Variants in ARFGEF3 observed in about 807,000 individuals in gnomAD.
ARFGEF3 encodes the protein brefeldin A-inhibited guanine nucleotide-exchange protein 3.
A neutral mutation model predicts 221.7 loss-of-function variants in ARFGEF3; 96 were observed. The ratio of observed to expected loss-of-function variants is 0.43; its 90% confidence interval spans 0.37 to 0.51. The LOEUF (loss-of-function observed/expected upper bound fraction) is 0.51, where lower values mean the gene tolerates loss of function less well. Among genes scored for constraint, ARFGEF3 ranks in the 20% least tolerant of loss-of-function variants. The pLI is 0.00. For missense variants in ARFGEF3, 2,410 were observed against 2,789.9 expected (o/e 0.86, Z 3.07); for synonymous variants, 1,145 against 1,126.8 (o/e 1.02, Z -0.32).
Position 138,336,373 on chromosome 6 carries a change from G to A in ARFGEF3, c.6421G>A (p.Ala2141Thr). Residue 2141 changes from alanine to threonine, a missense_variant, in exon 34 of 34, where the codon GCA (alanine) becomes ACA (threonine). Physicochemically the swap from Ala to Thr is moderately conservative, Grantham distance 58. Transcript: ENST00000251691. Reference protein sequence around the residue: ...PDQTFTALQPAVFPCISQLTC... With the variant: ...PDQTFTALQPTVFPCISQLTC... ...CCAGACCTTCACGGCCCTCCAGCCC[G>A]CAGTGTTCCCGTGCATCAGTCAGCT... 2 of 1,612,688 alleles carry A rather than the reference G, an allele frequency of 1.2e-6. No homozygotes were observed. The highest frequency in any genetic ancestry group is 8.5e-7 in the Non-Finnish European group (1 of 1,179,394).
At chr6:138,212,372 TAAAA>T (rs1416061565) in intron 4 of ARFGEF3, among the ~76,000 whole-genome samples, 1 of 152,010 alleles carries the variant, frequency 6.6e-6, no homozygotes. Context: ...TACAAAAAAA[TAAAA>T]AAAGTTAATG....
intron 22 of ARFGEF3, among the ~76,000 whole-genome samples, chr6:138,303,108 G>A (rs1385102344): frequency 6.6e-6 from 1 of 152,194 alleles, no homozygotes; most frequent in African/African-American, 2.4e-5. Context: ...AAGGAGGGAT[G>A]GGAAATGGAG....
At chr6:138,186,842 C>T (rs956575390) in intron 2 of ARFGEF3, among the ~76,000 whole-genome samples, 1 of 151,326 alleles carries the variant, frequency 6.6e-6, no homozygotes, top group African/African-American at 2.4e-5. Flanking sequence ...CTTCTCACTG[C>T]ACTGTCCCTT....
chr6:138,322,837 C>T (rs11969418), intron 29 of ARFGEF3, among the ~76,000 whole-genome samples: 6,694 of 147,840 alleles, frequency 0.045, 514 homozygotes, highest in African/African-American at 0.16. Context: ...TCATTTACAA[C>T]AACATAGAGG....
intron 2 of ARFGEF3, among the ~76,000 whole-genome samples, chr6:138,180,071 C>A (rs1159512578): frequency 6.6e-6 from 1 of 152,150 alleles, no homozygotes; most frequent in East Asian, 1.9e-4. Flanking sequence ...CCTTAGCCTC[C>A]CAAAGTGTTG....
intron 4 of ARFGEF3, among the ~76,000 whole-genome samples, chr6:138,213,519 C>T (rs555001595): frequency 6.6e-6 from 1 of 151,274 alleles, no homozygotes; most frequent in South Asian, 2.1e-4. Flanking sequence ...AAATTTATTC[C>T]TCCAACTTAA....
intron 4 of ARFGEF3, among the ~76,000 whole-genome samples, chr6:138,214,694 A>C: frequency 6.6e-6 from 1 of 152,150 alleles, no homozygotes; most frequent in East Asian, 1.9e-4. Flanking sequence ...TTTTGTAGAG[A>C]TTTCTCCAAG....
At chr6:138,225,948 A>G (rs995141091) in intron 4 of ARFGEF3, among the ~76,000 whole-genome samples, 2 of 152,168 alleles carry the variant, frequency 1.3e-5, no homozygotes, top group Admixed American at 1.3e-4. Context: ...TTGTTCCTGT[A>G]ACTATCCTTG....
At chr6:138,257,213 T>TAG (rs1236215254) in intron 10 of ARFGEF3, among the ~76,000 whole-genome samples, 3 of 152,166 alleles carry the variant, frequency 2.0e-5, no homozygotes, top group Non-Finnish European at 4.4e-5. Context: ...CCAGTGAGAC[T>TAG]AGACCACACT....
intron 20 of ARFGEF3, among the ~76,000 whole-genome samples, chr6:138,295,592 T>C (rs958548328): frequency 2.0e-5 from 3 of 147,248 alleles, no homozygotes; most frequent in African/African-American, 7.5e-5. Context: ...ATTGCACCAC[T>C]GCACTCCAGC....
At position 138,344,246 on chromosome 6, in the gene ARFGEF3, A is replaced by G. The variant is rs1476806929; in HGVS notation, c.*7760A>G. 6.6e-6 allele frequency: 1 copy of G among 152,222 alleles called. No homozygotes were observed. Among genetic ancestry groups the G allele is most frequent in the Non-Finnish European group, 1.5e-5 (1 of 68,040 alleles). 9.4% of individuals were successfully genotyped at this position (152,222 alleles called of 1,614,324 possible). A position where few individuals can be genotyped will look rare whatever the true frequency, so the allele number is the denominator to read the frequency against. ...TATAGCCATAATGATTTGAGTCAGT[A>G]TACCATTTTACCTATAAAATGCAAA... On this transcript the variant is annotated 3_prime_UTR_variant, in exon 34 of 34. Coordinates refer to ENST00000251691, the MANE Select transcript of ARFGEF3 (RefSeq NM_020340.5).
intron 12 of ARFGEF3, among the ~76,000 whole-genome samples, chr6:138,271,445 G>A (rs1779001309): frequency 6.6e-6 from 1 of 151,994 alleles, no homozygotes; most frequent in African/African-American, 2.4e-5. Flanking sequence ...GATAATAATA[G>A]CTAATCTAAC....
chr6:138,221,467 A>G (rs928790352), intron 4 of ARFGEF3, among the ~76,000 whole-genome samples: 2 of 152,224 alleles, frequency 1.3e-5, no homozygotes, highest in Non-Finnish European at 2.9e-5. Flanking sequence ...GTCAATATTT[A>G]TTTGTGATGT....
intron 28 of ARFGEF3, among the ~76,000 whole-genome samples, chr6:138,320,778 G>A (rs552897377): frequency 2.0e-5 from 3 of 152,132 alleles, no homozygotes; most frequent in Non-Finnish European, 4.4e-5. Context: ...TATCCCTAAG[G>A]GTAGCCACAT....
chr6:138,280,228 C>G lies in ARFGEF3; in HGVS notation c.2461+64C>G, dbSNP rs1359032719. 4.0e-6 allele frequency: 6 copies of G among 1,512,574 alleles called. No individual in the cohort carries two copies. The South Asian group carries it at 4.8e-5, about 12-fold the overall frequency. 93.7% of individuals were successfully genotyped at this position (1,512,574 alleles called of 1,614,324 possible). Reference sequence around the variant, plus strand: ...GGTGGGACGGCTCACGCTTTAAAGCCTCTTTCAGAGAAGTGTTGGTGCTTG... The same window carrying G: ...GGTGGGACGGCTCACGCTTTAAAGCGTCTTTCAGAGAAGTGTTGGTGCTTG... On this transcript the variant is annotated intron_variant, in intron 14 of 33. Coordinates refer to ENST00000251691, the MANE Select transcript of ARFGEF3 (RefSeq NM_020340.5).
chr6:138,240,492 T>C (rs9494982), intron 6 of ARFGEF3, among the ~76,000 whole-genome samples: 8,688 of 152,222 alleles, frequency 0.057, 523 homozygotes, highest in African/African-American at 0.15. Context: ...TCCATAAGAA[T>C]GGCAAAGGTA....
chr6:138,223,684 A>T (rs889844215), intron 4 of ARFGEF3, among the ~76,000 whole-genome samples: 6 of 152,178 alleles, frequency 3.9e-5, no homozygotes, highest in Non-Finnish European at 7.3e-5. Flanking sequence ...CCCCAAAATC[A>T]GCTCACATTT....
At chr6:138,254,750 C>T (rs1778644038) in intron 9 of ARFGEF3, among the ~76,000 whole-genome samples, 1 of 152,160 alleles carries the variant, frequency 6.6e-6, no homozygotes, top group Non-Finnish European at 1.5e-5. Flanking sequence ...AGATAAATTG[C>T]TTTGTTGACA....
At chr6:138,287,306 C>T (rs1779316195) in intron 17 of ARFGEF3, 122 bp downstream of exon 17, 2 of 684,652 alleles carry the variant, frequency 2.9e-6, no homozygotes, top group Admixed American at 2.4e-5. Flanking sequence ...GGTATGTATA[C>T]ACCACTGATC....
Sources: allele counts gnomAD v4.1 joint callset (sites outside exome capture counted in the v4.1 genomes callset), GRCh38; gene constraint gnomAD v4.1.1; transcripts MANE v1.5; gene names NCBI Gene and HGNC (gene_info 2026-07-23, HGNC 2026-07-21).